Variants in CLCN5 observed in about 807,000 individuals in gnomAD.
CLCN5 encodes Cl-/H+ antiporter 5.
In CLCN5, 17 loss-of-function variants were observed where a neutral mutation model predicts 54.0. That is an observed-to-expected ratio of 0.31 (90% confidence interval 0.22 to 0.47). The LOEUF is 0.47. CLCN5 is among the 20% of genes least tolerant of loss of function. The pLI is 1.00. For synonymous variants in CLCN5, 222 were observed against 233.0 expected (o/e 0.95, Z 0.43); for missense variants, 448 against 646.7 (o/e 0.69, Z 3.33).
At chrX:50,016,766 G>A (rs1178751379) in intron 3 of CLCN5, among the ~76,000 whole-genome samples, 2 of 96,843 alleles carry the variant, frequency 2.1e-5, no homozygotes, top group South Asian at 4.7e-4. Context: ...CCTGGCAACC[G>A]CTGATCATTT....
intron 3 of CLCN5, among the ~76,000 whole-genome samples, chrX:50,039,761 C>T (rs903407614): frequency 1.8e-5 from 2 of 110,091 alleles, no homozygotes; most frequent in Admixed American, 9.6e-5. Context: ...GGCACAATCT[C>T]GGCTCACTGC....
At chrX:49,992,433 TGACA>T (rs1557179115) in intron 3 of CLCN5, among the ~76,000 whole-genome samples, 5 of 110,898 alleles carry the variant, frequency 4.5e-5, no homozygotes, top group Non-Finnish European at 9.4e-5. Flanking sequence ...TTTGTAGGGC[TGACA>T]TTTTAATCAT....
intron 4 of CLCN5, among the ~76,000 whole-genome samples, chrX:50,058,965 T>G (rs1355865042): frequency 8.9e-6 from 1 of 112,074 alleles, no homozygotes; most frequent in Admixed American, 9.5e-5. Flanking sequence ...TAATGCATTG[T>G]TTTTTTGAAA....
chrX:49,991,727 C>G (rs1317060383), intron 3 of CLCN5, among the ~76,000 whole-genome samples: 10 of 111,866 alleles, frequency 8.9e-5, no homozygotes, highest in African/African-American at 2.9e-4. Flanking sequence ...TAACATATAA[C>G]ACACCTACAA....
intron 3 of CLCN5, among the ~76,000 whole-genome samples, chrX:49,976,849 GC>G (rs1928507567): frequency 9.0e-6 from 1 of 111,082 alleles, no homozygotes; most frequent in African/African-American, 3.3e-5. Context: ...AGTTTGTTCT[GC>G]TTGAGGGGAG....
chrX:50,091,024 A>G, intron 14 of CLCN5, 138 bp downstream of exon 14: 1 of 510,982 alleles, frequency 2.0e-6, no homozygotes, highest in Non-Finnish European at 3.3e-6. Context: ...CTGAGATGAA[A>G]GTGGATAGGT....
In CLCN5 at chrX:50,062,057, C is replaced by A. The variant is rs1198922016; in HGVS notation, c.164-7822C>A. Among the ~76,000 whole-genome samples, 12 of 105,696 alleles carry A rather than the reference C, an allele frequency of 1.1e-4. 1 individual carries two copies. The highest frequency in any genetic ancestry group is 4.3e-4 in the African/African-American group (12 of 27,703). The allele number at this position is 105,696 out of a possible 115,157, so 91.8% of individuals were successfully genotyped here. On this transcript the variant is annotated intron_variant, in intron 4 of 14. Coordinates refer to ENST00000376091, the MANE Select transcript of CLCN5 (RefSeq NM_001127898.4). ...GGTACCAGCTGCTGCAAAATCATGCCAAAATGTAAAGACCATCGAGACTAG... is the reference window on the plus strand; with the variant it reads ...GGTACCAGCTGCTGCAAAATCATGCAAAAATGTAAAGACCATCGAGACTAG...
intron 3 of CLCN5, among the ~76,000 whole-genome samples, chrX:50,035,791 C>G (rs1366349611): frequency 8.9e-6 from 1 of 112,250 alleles, no homozygotes; most frequent in Non-Finnish European, 1.9e-5. Flanking sequence ...AAACTTAACT[C>G]TCTACGCATG....
intron 3 of CLCN5, among the ~76,000 whole-genome samples, chrX:49,993,058 G>A (rs1260796302): frequency 1.8e-5 from 2 of 111,577 alleles, no homozygotes. Flanking sequence ...TGAGACTCCT[G>A]TGAACTTCTG....
intron 3 of CLCN5, among the ~76,000 whole-genome samples, chrX:50,011,689 A>G (rs1191418016): frequency 2.7e-5 from 3 of 112,527 alleles, no homozygotes; most frequent in Non-Finnish European, 5.6e-5. Flanking sequence ...TCTTACTGCT[A>G]CTTTCCTTCT....
chrX:49,995,940 C>T (rs1358915023), intron 3 of CLCN5, among the ~76,000 whole-genome samples: 4 of 111,734 alleles, frequency 3.6e-5, no homozygotes, highest in Admixed American at 9.5e-5. Flanking sequence ...TTGTTATCCA[C>T]GTGGCATATG....
intron 3 of CLCN5, among the ~76,000 whole-genome samples, chrX:49,966,327 CTA>C (rs1335658205): frequency 1.7e-4 from 19 of 110,699 alleles, no homozygotes; most frequent in Admixed American, 1.5e-3. Flanking sequence ...TCCATTTCAT[CTA>C]TGTTTTAAAA....
intron 3 of CLCN5, chrX:50,014,622 A>G (rs373544813): frequency 1.4e-5 from 5 of 357,046 alleles, no homozygotes; most frequent in Non-Finnish European, 2.8e-5. Flanking sequence ...AATCCTTGCT[A>G]TCTGGGTGCT....
chrX:49,945,604 G>GTTTTTT (rs1162822439), intron 3 of CLCN5, among the ~76,000 whole-genome samples: 17 of 71,123 alleles, frequency 2.4e-4, no homozygotes, highest in African/African-American at 5.5e-4. Context: ...CGCCCAGCTA[G>GTTTTTT]TTTTTTTTTT....
intron 3 of CLCN5, among the ~76,000 whole-genome samples, chrX:49,945,821 A>T (rs1926701965): frequency 9.4e-6 from 1 of 106,165 alleles, no homozygotes. Context: ...CAGTGGCACG[A>T]TCTCCACTTA....
At chrX:50,059,104 A>C (rs2147511560) in intron 4 of CLCN5, among the ~76,000 whole-genome samples, 1 of 112,248 alleles carries the variant, frequency 8.9e-6, no homozygotes, top group Non-Finnish European at 1.9e-5. Context: ...TAAGAAAAGA[A>C]ACCAGCTAGA....
chrX:49,961,577 C>G (rs1927599438), intron 3 of CLCN5, among the ~76,000 whole-genome samples: 1 of 111,679 alleles, frequency 9.0e-6, no homozygotes, highest in African/African-American at 3.3e-5. Context: ...TGCCATCTCA[C>G]CAGCTCTTGA....
chrX:50,039,627 C>T (rs1401010031), intron 3 of CLCN5, among the ~76,000 whole-genome samples: 1 of 111,980 alleles, frequency 8.9e-6, no homozygotes, highest in Non-Finnish European at 1.9e-5. Flanking sequence ...AGCATGTGCC[C>T]GAAAGCTCAA....
chrX:50,070,262 A>ATATG (rs782190795), intron 5 of CLCN5, among the ~76,000 whole-genome samples: 50 of 112,474 alleles, frequency 4.4e-4, no homozygotes, highest in Non-Finnish European at 8.1e-4. Flanking sequence ...GGTTTGTTAC[A>ATATG]TATGTATACA....
Sources: allele counts gnomAD v4.1 joint callset (sites outside exome capture counted in the v4.1 genomes callset), GRCh38; gene constraint gnomAD v4.1.1; transcripts MANE v1.5; gene names NCBI Gene and HGNC (gene_info 2026-07-23, HGNC 2026-07-21).